The following PCDH9 variants were observed in gnomAD, a reference collection of about 807,000 sequenced individuals.
The protein encoded by PCDH9 is protocadherin 9, also known as protocadherin-9.
PCDH9 carries 24 observed loss-of-function variants against 70.6 expected under a neutral mutation model. That is an observed-to-expected ratio of 0.34 (90% CI 0.25 to 0.48). The LOEUF is 0.48. Among genes scored for constraint, PCDH9 ranks in the 20% least tolerant of loss-of-function variants. PCDH9 has a pLI of 0.99. For synonymous variants in PCDH9, 562 were observed against 558.5 expected (o/e 1.01, Z -0.09); for missense variants, 1,281 against 1,503.6 (o/e 0.85, Z 2.45).
chr13:67,186,863 A>C (rs1310162953), intron 2 of PCDH9, among the ~76,000 whole-genome samples: 1 of 152,182 alleles, frequency 6.6e-6, no homozygotes, highest in Non-Finnish European at 1.5e-5. Flanking sequence ...TGGGCTTTAT[A>C]AGGCTCAGCT....
intron 2 of PCDH9, among the ~76,000 whole-genome samples, chr13:67,049,399 A>G (rs1032390321): frequency 2.0e-5 from 3 of 152,234 alleles, no homozygotes; most frequent in Admixed American, 2.0e-4. Flanking sequence ...TTGGACATCT[A>G]TAACAATAGG....
intron 2 of PCDH9, among the ~76,000 whole-genome samples, chr13:67,195,268 C>G (rs1232579955): frequency 1.3e-5 from 2 of 151,916 alleles, no homozygotes; most frequent in East Asian, 3.9e-4. Context: ...GCCTCAGCCT[C>G]CGAGCAGCTG....
intron 3 of PCDH9, among the ~76,000 whole-genome samples, chr13:66,806,969 T>C (rs184519822): frequency 6.6e-6 from 1 of 152,294 alleles, no homozygotes; most frequent in East Asian, 1.9e-4. Flanking sequence ...CCCTATTATG[T>C]AAATAACTGA....
intron 3 of PCDH9, among the ~76,000 whole-genome samples, chr13:66,662,194 C>G (rs373123213): frequency 1.3e-5 from 2 of 151,934 alleles, no homozygotes; most frequent in African/African-American, 4.8e-5. Flanking sequence ...CACATAAGGC[C>G]GGGCGTGGTG....
chr13:66,351,778 T>C (rs1956295296), intron 4 of PCDH9, among the ~76,000 whole-genome samples: 1 of 152,032 alleles, frequency 6.6e-6, no homozygotes, highest in Non-Finnish European at 1.5e-5. Context: ...AAATCATCCG[T>C]ATAACAATAT....
At chr13:66,656,055 T>A (rs910444210) in intron 3 of PCDH9, among the ~76,000 whole-genome samples, 1 of 151,482 alleles carries the variant, frequency 6.6e-6, no homozygotes, top group Non-Finnish European at 1.5e-5. Context: ...ACTAACACTA[T>A]CTGAAGAAGA....
chr13:66,433,393 T>C (rs1308991577), intron 4 of PCDH9, among the ~76,000 whole-genome samples: 1 of 151,790 alleles, frequency 6.6e-6, no homozygotes, highest in Non-Finnish European at 1.5e-5. Context: ...CTCAAAAAAT[T>C]TTCTTAATTA....
chr13:66,569,293 C>T (rs1045945156), intron 4 of PCDH9, among the ~76,000 whole-genome samples: 6 of 151,964 alleles, frequency 3.9e-5, no homozygotes, highest in Non-Finnish European at 5.9e-5. Context: ...TCTGGGATTA[C>T]AGGCATGAGC....
chr13:66,408,552 T>A (rs1011924492), intron 4 of PCDH9, among the ~76,000 whole-genome samples: 1 of 152,248 alleles, frequency 6.6e-6, no homozygotes, highest in Non-Finnish European at 1.5e-5. Flanking sequence ...TCTTTGGTTT[T>A]AGTTTGTTTT....
intron 4 of PCDH9, among the ~76,000 whole-genome samples, chr13:66,578,320 G>A (rs1045561606): frequency 6.6e-6 from 1 of 152,058 alleles, no homozygotes; most frequent in South Asian, 2.1e-4. Context: ...AGTGAGAACT[G>A]ACTTTTGAGT....
At chr13:66,577,522 C>T (rs2076831792) in intron 4 of PCDH9, among the ~76,000 whole-genome samples, 1 of 151,916 alleles carries the variant, frequency 6.6e-6, no homozygotes, top group Non-Finnish European at 1.5e-5. Context: ...TATGCTCTGA[C>T]ACCTATTTTG....
intron 4 of PCDH9, among the ~76,000 whole-genome samples, chr13:66,585,866 G>C (rs1042909959): frequency 6.6e-5 from 10 of 152,110 alleles, no homozygotes; most frequent in Non-Finnish European, 1.5e-4. Context: ...TTCAGTTTCA[G>C]TTTTGACCTA....
At chr13:67,007,620 T>A (rs2084377637) in intron 2 of PCDH9, among the ~76,000 whole-genome samples, 1 of 152,196 alleles carries the variant, frequency 6.6e-6, no homozygotes, top group African/African-American at 2.4e-5. Context: ...CAAAAAGTTG[T>A]GAACCATATT....
chr13:66,751,745 T>G (rs1211885280), intron 3 of PCDH9, among the ~76,000 whole-genome samples: 2 of 152,198 alleles, frequency 1.3e-5, no homozygotes, highest in African/African-American at 4.8e-5. Context: ...GGAAATAAAC[T>G]TTTAATTTTG....
chr13:67,227,451 C>T lies in PCDH9; in HGVS notation c.990G>A (p.Val330=). ...REETAIHKVT[V]LASDGSSTPA... ...GAGTGGAGCTGCCGTCACTAGCCAG[C>T]ACTGTCACTTTGTGAATGGCTGTCT... is the stretch of plus-strand genomic sequence containing the variant. The change falls in exon 2 of 5, where the codon GTG becomes GTA. Residue 330 remains valine, a synonymous_variant. Transcript: ENST00000377865. This position sits in a 1 kb window ranked among gnomAD's most constrained non-coding sequence, Gnocchi z 4.6. 6.2e-7 allele frequency: 1 copy of T among 1,613,922 alleles called. No individual in the cohort carries two copies. The highest frequency in any genetic ancestry group is 8.5e-7 in the Non-Finnish European group (1 of 1,179,868).
chr13:67,071,913 G>C (rs1471708254), intron 2 of PCDH9, among the ~76,000 whole-genome samples: 1 of 133,524 alleles, frequency 7.5e-6, no homozygotes, highest in Non-Finnish European at 1.7e-5. Context: ...AAAAAAGAGA[G>C]AATCCTTTAA....
chr13:66,622,945 C>T (rs1347280911), intron 4 of PCDH9, among the ~76,000 whole-genome samples: 2 of 152,160 alleles, frequency 1.3e-5, no homozygotes, highest in Admixed American at 1.3e-4. Flanking sequence ...AGACCACGAA[C>T]GCACCGGGAG....
intron 4 of PCDH9, among the ~76,000 whole-genome samples, chr13:66,520,011 C>T (rs191585061): frequency 1.3e-5 from 2 of 152,138 alleles, no homozygotes; most frequent in Non-Finnish European, 2.9e-5. Context: ...CAATCCAAAT[C>T]GGTTCAGGAC....
intron 4 of PCDH9, among the ~76,000 whole-genome samples, chr13:66,326,488 G>T (rs148771483): frequency 2.6e-5 from 4 of 151,120 alleles, no homozygotes; most frequent in Non-Finnish European, 4.4e-5. Context: ...GCGCGATCTC[G>T]GCTCACTGCA....
Sources: gnomAD v4.1 joint callset for allele counts (sites outside exome capture counted in the v4.1 genomes callset) on GRCh38, gnomAD v4.1.1 for gene constraint, Gnocchi (gnomAD v3.1) non-coding constraint, MANE v1.5 for transcripts, NCBI Gene and HGNC (gene_info 2026-07-23, HGNC 2026-07-21) for gene names.